The following CACNA1I variants were observed in gnomAD, a reference collection of about 807,000 sequenced individuals.
CACNA1I encodes voltage-dependent T-type calcium channel subunit alpha-1I.
CACNA1I carries 74 observed loss-of-function variants against 201.6 expected under a neutral mutation model. That is an observed-to-expected ratio of 0.37 (90% CI 0.30 to 0.45). The LOEUF (loss-of-function observed/expected upper bound fraction) is 0.45. Among genes scored for constraint, CACNA1I ranks in the 20% least tolerant of loss-of-function variants. The pLI, the probability that CACNA1I is intolerant of heterozygous loss-of-function variation, is 1.00. For synonymous variants in CACNA1I, 1,431 were observed against 1,345.2 expected (o/e 1.06, Z -1.40); for missense variants, 2,346 against 3,138.1 (o/e 0.75, Z 6.03).
intron 8 of CACNA1I, 62 bp from the exon 9 acceptor site, chr22:39,647,760 C>T: frequency 8.3e-7 from 1 of 1,208,702 alleles, no homozygotes; most frequent in Non-Finnish European, 1.2e-6. Flanking sequence ...TTGGTTGCCT[C>T]ATCTGTTCCA....
At chr22:39,590,022 G>A (rs1932803657) in intron 1 of CACNA1I, among the ~76,000 whole-genome samples, 2 of 152,146 alleles carry the variant, frequency 1.3e-5, no homozygotes, top group African/African-American at 4.8e-5. Context: ...TGTCGCCTGG[G>A]CCTGCAGAAG....
chr22:39,579,039 C>T (rs140093688), intron 1 of CACNA1I, among the ~76,000 whole-genome samples: 30 of 152,350 alleles, frequency 2.0e-4, no homozygotes, highest in African/African-American at 6.7e-4. Context: ...TGGGCCCTGC[C>T]CTTCTGTCCT....
intron 5 of CACNA1I, among the ~76,000 whole-genome samples, chr22:39,635,033 G>A (rs1244993214): frequency 2.6e-5 from 4 of 152,168 alleles, no homozygotes; most frequent in Non-Finnish European, 2.9e-5. Flanking sequence ...AGCAGGGGGC[G>A]AGACATTCCT....
chr22:39,623,446 A>G (rs760352628), intron 4 of CACNA1I, among the ~76,000 whole-genome samples: 1 of 151,200 alleles, frequency 6.6e-6, no homozygotes, highest in Non-Finnish European at 1.5e-5. Flanking sequence ...GTGCGTGCCT[A>G]TGAAAGTGTG....
intron 7 of CACNA1I, among the ~76,000 whole-genome samples, chr22:39,644,290 T>A (rs1934422393): frequency 6.6e-6 from 1 of 152,014 alleles, no homozygotes; most frequent in African/African-American, 2.4e-5. Flanking sequence ...AAGGGTACAG[T>A]TGGGGTAAAG....
chr22:39,611,364 C>T (rs935635433), intron 3 of CACNA1I, among the ~76,000 whole-genome samples: 3 of 152,126 alleles, frequency 2.0e-5, no homozygotes, highest in African/African-American at 7.2e-5. Context: ...GGTCTGGCTG[C>T]CCCCAGGGCT....
rs988969317 is a variant in CACNA1I, at chr22:39,672,431, T to C, written c.4649+123T>C. The C allele has an allele frequency of 1.3e-5, 9 of 716,790 alleles. No individual in the cohort carries two copies. The African/African-American group carries it at 1.6e-4, about 13-fold the overall frequency. 44.4% of individuals were successfully genotyped at this position (716,790 alleles called of 1,614,324 possible). Reference sequence around the variant, plus strand: ...GAACCAGTAAGCATCTAGGCACGGATGGACAGGCACCCCAGCTGCTGCTTA... The same window carrying C: ...GAACCAGTAAGCATCTAGGCACGGACGGACAGGCACCCCAGCTGCTGCTTA... On this transcript the variant is annotated intron_variant, in intron 27 of 36. Transcript: ENST00000402142.
intron 1 of CACNA1I, among the ~76,000 whole-genome samples, chr22:39,575,302 G>A (rs191584669): frequency 6.6e-6 from 1 of 152,298 alleles, no homozygotes; most frequent in Admixed American, 6.5e-5. Flanking sequence ...CCGAGCCCCA[G>A]TTTCCCCACC....
At chr22:39,633,539 G>A (rs528099827) in intron 4 of CACNA1I, among the ~76,000 whole-genome samples, 1 of 152,218 alleles carries the variant, frequency 6.6e-6, no homozygotes, top group African/African-American at 2.4e-5. Flanking sequence ...GCTTTCACAG[G>A]GCTGCGGTGG....
chr22:39,596,400 A>AGAGATGGGGGAGCAGGGCGGAGG (rs1932894016), intron 1 of CACNA1I, among the ~76,000 whole-genome samples: 1 of 7,914 alleles, frequency 1.3e-4, no homozygotes, highest in Non-Finnish European at 2.2e-4. Context: ...CAGGGCGGAG[A>AGAGATGGGGGAGCAGGGCGGAGG]GAGATGGGGG....
intron 4 of CACNA1I, among the ~76,000 whole-genome samples, chr22:39,627,396 C>A (rs1442368192): frequency 6.6e-6 from 1 of 152,204 alleles, no homozygotes; most frequent in East Asian, 1.9e-4. Context: ...TCTGCAGGAT[C>A]CTGTGCAGAC....
chr22:39,656,215 T>C (rs1569083793), intron 10 of CACNA1I, among the ~76,000 whole-genome samples: 1 of 151,762 alleles, frequency 6.6e-6, no homozygotes, highest in Non-Finnish European at 1.5e-5. Flanking sequence ...AAGCTGGCGC[T>C]TGGGTTGTTA....
chr22:39,647,592 T>A (rs1187794365), intron 8 of CACNA1I, among the ~76,000 whole-genome samples: 1 of 152,172 alleles, frequency 6.6e-6, no homozygotes, highest in Admixed American at 6.5e-5. Flanking sequence ...TTTAATTTTT[T>A]TTTGTAAAGA....
intron 2 of CACNA1I, among the ~76,000 whole-genome samples, chr22:39,599,711 G>A (rs111863226): frequency 0.056 from 8,435 of 151,812 alleles, 761 homozygotes; most frequent in African/African-American, 0.19. Flanking sequence ...TCTGGGGTCC[G>A]AGTGGGTAAC....
At chr22:39,618,131 G>A (rs924727603) in intron 3 of CACNA1I, among the ~76,000 whole-genome samples, 6 of 151,514 alleles carry the variant, frequency 4.0e-5, no homozygotes, top group Non-Finnish European at 5.9e-5. Flanking sequence ...GTGTGGGTAT[G>A]TGGTTGTGTG....
chr22:39,597,486 A>G (rs2145824458), intron 1 of CACNA1I, among the ~76,000 whole-genome samples: 1 of 152,344 alleles, frequency 6.6e-6, no homozygotes, highest in South Asian at 2.1e-4. Context: ...GCCCAAGGCC[A>G]GGTTCATGGC....
Position 39,619,299 on chromosome 22 carries a change from T to C in CACNA1I, c.483-11T>C, listed in dbSNP as rs1002835629. The C allele has an allele frequency of 1.1e-5, 18 of 1,602,642 alleles. No individual in the cohort carries two copies. Among genetic ancestry groups the C allele is most frequent in the Non-Finnish European group, 1.4e-5 (16 of 1,175,844 alleles). ...CAGCACCATCCCTCACTCTCTCTCC[T>C]TTCTCTGCAGGATGGTCGAGTACTC... On this transcript the variant is annotated splice_polypyrimidine_tract_variant and intron_variant, in intron 3 of 36. Coordinates refer to ENST00000402142, the MANE Select transcript of CACNA1I (RefSeq NM_021096.4).
Position 39,684,292 on chromosome 22 carries a change from T to G in CACNA1I, c.5831-10T>G, listed in dbSNP as rs555589504. ...TGCTCCCTCAGCTCTGTCTTCTCCTTTCCCAGCAGCACCCCCAAGTCCCTT... is the reference window on the plus strand; with the variant it reads ...TGCTCCCTCAGCTCTGTCTTCTCCTGTCCCAGCAGCACCCCCAAGTCCCTT... On this transcript the variant is annotated splice_polypyrimidine_tract_variant and intron_variant, in intron 35 of 36. Coordinates refer to ENST00000402142, the MANE Select transcript of CACNA1I (RefSeq NM_021096.4). This position sits in a 1 kb window ranked among gnomAD's most constrained non-coding sequence, Gnocchi z 4.6. 1 of 1,612,910 alleles carries G rather than the reference T, an allele frequency of 6.2e-7. No individual in the cohort carries two copies. The highest frequency in any genetic ancestry group is 1.3e-5 in the African/African-American group (1 of 75,018).
At chr22:39,674,971 T>C (rs1372532977) in intron 29 of CACNA1I, among the ~76,000 whole-genome samples, 1 of 152,196 alleles carries the variant, frequency 6.6e-6, no homozygotes, top group East Asian at 1.9e-4. Flanking sequence ...TGGCATGGTC[T>C]GGATGGAAAG....
Sources: gnomAD v4.1 joint callset for allele counts (sites outside exome capture counted in the v4.1 genomes callset) on GRCh38, gnomAD v4.1.1 for gene constraint, Gnocchi (gnomAD v3.1) non-coding constraint, MANE v1.5 for transcripts, NCBI Gene and HGNC (gene_info 2026-07-23, HGNC 2026-07-21) for gene names.